The following C8A variants were observed in gnomAD, a reference collection of about 807,000 sequenced individuals.
C8A encodes complement component C8 alpha chain.
C8A carries 67 observed loss-of-function variants against 65.3 expected under a neutral mutation model. That is an observed-to-expected ratio of 1.03 (90% CI 0.84 to 1.26). C8A has a LOEUF of 1.26. Ranked by LOEUF, C8A falls within the 50% of genes most tolerant of loss-of-function variation. C8A has a pLI of 0.00. For missense variants in C8A, 781 were observed against 723.9 expected (o/e 1.08, Z -0.90); for synonymous variants, 290 against 259.4 (o/e 1.12, Z -1.13).
intron 2 of C8A, among the ~76,000 whole-genome samples, chr1:56,868,944 T>C (rs980407266): frequency 1.3e-5 from 2 of 152,210 alleles, no homozygotes; most frequent in Non-Finnish European, 2.9e-5. Context: ...AATACATGAG[T>C]AATGCACACA....
At chr1:56,865,103 T>C (rs1025622450) in intron 1 of C8A, among the ~76,000 whole-genome samples, 8 of 152,184 alleles carry the variant, frequency 5.3e-5, no homozygotes, top group African/African-American at 1.7e-4. Context: ...CTTGAATAGA[T>C]GGGACTTAAA....
intron 10 of C8A, among the ~76,000 whole-genome samples, chr1:56,913,745 G>A (rs550134797): frequency 6.6e-6 from 1 of 152,188 alleles, no homozygotes; most frequent in African/African-American, 2.4e-5. Context: ...TTGCAATGAA[G>A]AAAACACAAA....
At chr1:56,893,869 A>C (rs1380808736) in intron 7 of C8A, among the ~76,000 whole-genome samples, 1 of 152,136 alleles carries the variant, frequency 6.6e-6, no homozygotes, top group Non-Finnish European at 1.5e-5. Flanking sequence ...TTTATCAGTC[A>C]TGTGACCCAC....
At chr1:56,886,680 C>A (rs1367624665) in intron 7 of C8A, among the ~76,000 whole-genome samples, 7 of 152,158 alleles carry the variant, frequency 4.6e-5, no homozygotes, top group Non-Finnish European at 8.8e-5. Context: ...CTTGTTACTG[C>A]ATCAGCTCCT....
chr1:56,858,722 A>G (rs981531181), intron 1 of C8A, among the ~76,000 whole-genome samples: 3 of 152,218 alleles, frequency 2.0e-5, no homozygotes, highest in Non-Finnish European at 4.4e-5. Flanking sequence ...AATGAAAACA[A>G]TTGGAGTAGT....
chr1:56,903,448 A>C (rs1443951604), intron 7 of C8A, among the ~76,000 whole-genome samples: 3 of 151,996 alleles, frequency 2.0e-5, no homozygotes, highest in Admixed American at 6.6e-5. Flanking sequence ...AGTCAATTAA[A>C]CTTCTTTCTT....
intron 1 of C8A, among the ~76,000 whole-genome samples, chr1:56,859,161 C>T (rs1644006132): frequency 6.6e-6 from 1 of 152,236 alleles, no homozygotes; most frequent in Non-Finnish European, 1.5e-5. Context: ...TTTCTACCTA[C>T]ATAACCTTAA....
At chr1:56,906,436 C>A (rs1358226666) in intron 7 of C8A, among the ~76,000 whole-genome samples, 3 of 152,048 alleles carry the variant, frequency 2.0e-5, no homozygotes, top group Non-Finnish European at 4.4e-5. Context: ...AGAGTGCTAG[C>A]ATTTTTTACC....
Position 56,886,091 on chromosome 1 carries a change from T to G in C8A, c.1020T>G (p.His340Gln), listed in dbSNP as rs1644297922. The change falls in exon 7 of 11, where the codon CAT (histidine) becomes CAG (glutamine). Residue 340 changes from histidine (H) to glutamine (Q), a missense_variant. Coordinates refer to ENST00000361249, the MANE Select transcript of C8A (RefSeq NM_000562.3). ...AGTTCATCAATGACTATGGCACCCA[T>G]TACATCACATCTGGATCCATGGGTG... ...YAKFINDYGT[H>Q]YITSGSMGGI... 1.9e-6 allele frequency: 3 copies of G among 1,614,052 alleles called. No homozygotes were observed. The highest frequency in any genetic ancestry group is 2.5e-6 in the Non-Finnish European group (3 of 1,179,946).
chr1:56,860,881 G>T (rs577753796), intron 1 of C8A, among the ~76,000 whole-genome samples: 6 of 152,334 alleles, frequency 3.9e-5, no homozygotes, highest in African/African-American at 1.4e-4. Flanking sequence ...CTGGCCAGAG[G>T]CAGGAAGAGA....
intron 7 of C8A, among the ~76,000 whole-genome samples, chr1:56,906,455 T>A (rs1644464245): frequency 6.6e-6 from 1 of 152,090 alleles, no homozygotes; most frequent in South Asian, 2.1e-4. Flanking sequence ...CCAACTAGTA[T>A]GTGCAACACA....
At chr1:56,912,348 C>A in intron 9 of C8A, 55 bp from the exon 10 acceptor site, 1 of 1,560,728 alleles carries the variant, frequency 6.4e-7, no homozygotes, top group Non-Finnish European at 8.8e-7. Context: ...TTCTTGGGCT[C>A]TGGGAAGGTA....
chr1:56,916,466 G>T (rs1398333764), intron 10 of C8A, among the ~76,000 whole-genome samples: 1 of 152,178 alleles, frequency 6.6e-6, no homozygotes, highest in Non-Finnish European at 1.5e-5. Flanking sequence ...GAGGCACAGA[G>T]GTGGGAGAAA....
intron 6 of C8A, among the ~76,000 whole-genome samples, chr1:56,885,328 A>G (rs1361714822): frequency 7.9e-6 from 1 of 125,900 alleles, no homozygotes; most frequent in Admixed American, 8.0e-5. Context: ...ATATTTATTT[A>G]AATATATATT....
intron 7 of C8A, among the ~76,000 whole-genome samples, chr1:56,894,423 C>A (rs1204604507): frequency 6.6e-6 from 1 of 152,186 alleles, no homozygotes; most frequent in Non-Finnish European, 1.5e-5. Context: ...AAAGTGTTAA[C>A]AACTCTGCTC....
chr1:56,889,389 A>G (rs760107878), intron 7 of C8A, among the ~76,000 whole-genome samples: 13 of 152,156 alleles, frequency 8.5e-5, no homozygotes, highest in Non-Finnish European at 1.3e-4. Context: ...GATGTTTGCT[A>G]TATTGGGCTG....
intron 10 of C8A, among the ~76,000 whole-genome samples, chr1:56,913,349 T>G (rs1644525416): frequency 6.6e-6 from 1 of 152,256 alleles, no homozygotes; most frequent in South Asian, 2.1e-4. Flanking sequence ...GATAGGTAGT[T>G]GTCATTATAG....
intron 10 of C8A, among the ~76,000 whole-genome samples, chr1:56,915,329 G>A (rs183239609): frequency 3.9e-5 from 6 of 152,258 alleles, no homozygotes; most frequent in Admixed American, 3.9e-4. Flanking sequence ...ACAAACCAAG[G>A]AGACCAACTC....
intron 9 of C8A, among the ~76,000 whole-genome samples, chr1:56,912,007 G>T (rs1644511531): frequency 1.3e-5 from 2 of 152,186 alleles, no homozygotes; most frequent in Non-Finnish European, 2.9e-5. Flanking sequence ...TGCACACATT[G>T]CTCCAGGATC....
Sources: gnomAD v4.1 joint callset for allele counts (sites outside exome capture counted in the v4.1 genomes callset) on GRCh38, gnomAD v4.1.1 for gene constraint, MANE v1.5 for transcripts, NCBI Gene and HGNC (gene_info 2026-07-23, HGNC 2026-07-21) for gene names.